The following PTPRT variants were observed in gnomAD, a reference collection of about 807,000 sequenced individuals.
The protein encoded by PTPRT is protein tyrosine phosphatase receptor type T.
Under a neutral mutation model 176.8 loss-of-function variants are expected in PTPRT, and 56 were observed. The observed-to-expected ratio is 0.32, with a 90% CI of 0.26 to 0.40. The LOEUF (loss-of-function observed/expected upper bound fraction) is 0.40. Ranked by LOEUF, PTPRT falls within the 10% of genes least tolerant of loss-of-function variation. PTPRT has a pLI of 1.00. For missense variants in PTPRT, 1,540 were observed against 1,908.2 expected (o/e 0.81, Z 3.60); for synonymous variants, 783 against 739.0 (o/e 1.06, Z -0.96).
chr20:42,416,316 C>A (rs1393523004), intron 9 of PTPRT, among the ~76,000 whole-genome samples: 1 of 152,108 alleles, frequency 6.6e-6, no homozygotes, highest in Non-Finnish European at 1.5e-5. Context: ...TCCTTCTGAG[C>A]CTGCAGAAGA....
chr20:42,402,596 T>C (rs971007742), intron 9 of PTPRT, among the ~76,000 whole-genome samples: 5 of 150,684 alleles, frequency 3.3e-5, no homozygotes, highest in Admixed American at 6.6e-5. Flanking sequence ...TCCAATAATA[T>C]GCGGCATTTA....
chr20:43,004,572 GCCAC>G (rs1984757697), intron 1 of PTPRT, among the ~76,000 whole-genome samples: 1 of 152,156 alleles, frequency 6.6e-6, no homozygotes, highest in Non-Finnish European at 1.5e-5. Flanking sequence ...ACTTTCAACT[GCCAC>G]CAATTGTGCT....
chr20:42,280,100 G>A (rs1041891590), intron 13 of PTPRT, among the ~76,000 whole-genome samples: 3 of 151,890 alleles, frequency 2.0e-5, no homozygotes, highest in Non-Finnish European at 4.4e-5. Flanking sequence ...AGGCTGCCTA[G>A]AGGAAATTTG....
At chr20:42,583,832 CA>C (rs1457589336) in intron 7 of PTPRT, among the ~76,000 whole-genome samples, 2 of 152,168 alleles carry the variant, frequency 1.3e-5, no homozygotes, top group Non-Finnish European at 2.9e-5. Context: ...TTTTAAATCA[CA>C]TTGAAATAAA....
rs559648040 is a variant in PTPRT, at chr20:42,226,021, A to C, written c.2342+10208T>G. ...ACCAAAAACTTTACTGGGCCCGTTA[A>C]CCCATGGTATCTTTCCTCAAAATAG... On this transcript the variant is annotated intron_variant, in intron 15 of 30. Coordinates refer to ENST00000373187, the MANE Select transcript of PTPRT (RefSeq NM_007050.6). 1.6e-3 allele frequency among the ~76,000 whole-genome samples: 246 copies of C among 152,292 alleles called. 2 individuals carry two copies. Among genetic ancestry groups the C allele is most frequent in the East Asian group, 7.7e-4 (4 of 5,184 alleles).
intron 1 of PTPRT, among the ~76,000 whole-genome samples, chr20:42,954,303 T>C (rs1467200522): frequency 7.2e-5 from 11 of 152,206 alleles, no homozygotes; most frequent in African/African-American, 2.4e-5. Flanking sequence ...AGAGGGAACT[T>C]TGGGGAAGCA....
At chr20:42,757,283 T>C (rs542169026) in intron 5 of PTPRT, among the ~76,000 whole-genome samples, 4 of 152,226 alleles carry the variant, frequency 2.6e-5, no homozygotes, top group African/African-American at 9.6e-5. Flanking sequence ...GCAGAACTCA[T>C]AGCATTCTTT....
At chr20:42,785,435 G>A (rs1053167849) in intron 3 of PTPRT, among the ~76,000 whole-genome samples, 4 of 152,188 alleles carry the variant, frequency 2.6e-5, no homozygotes, top group Non-Finnish European at 4.4e-5. Flanking sequence ...CAGGTCTGGT[G>A]AATTTTAAAA....
chr20:42,716,344 T>G (rs1289847203), intron 6 of PTPRT, among the ~76,000 whole-genome samples: 1 of 152,232 alleles, frequency 6.6e-6, no homozygotes, highest in Non-Finnish European at 1.5e-5. Context: ...TCCACATGGT[T>G]GAACTAGTTT....
chr20:42,102,358 G>A, intron 25 of PTPRT, 61 bp from the exon 26 acceptor site: 1 of 1,545,614 alleles, frequency 6.5e-7, no homozygotes, highest in South Asian at 1.2e-5. Flanking sequence ...GAGCAAAAGA[G>A]ACAGTAATGT....
At chr20:42,664,477 C>A (rs540145053) in intron 7 of PTPRT, among the ~76,000 whole-genome samples, 13 of 152,122 alleles carry the variant, frequency 8.5e-5, no homozygotes, top group Non-Finnish European at 1.9e-4. Context: ...ATGATATTTT[C>A]TTTATTTTTT....
intron 1 of PTPRT, among the ~76,000 whole-genome samples, chr20:43,042,251 A>G (rs903092209): frequency 6.6e-6 from 1 of 152,202 alleles, no homozygotes; most frequent in Non-Finnish European, 1.5e-5. Flanking sequence ...TTGTTTATTC[A>G]GGGCCAATTC....
intron 7 of PTPRT, among the ~76,000 whole-genome samples, chr20:42,582,352 G>A (rs900115757): frequency 1.3e-5 from 2 of 152,162 alleles, no homozygotes; most frequent in African/African-American, 4.8e-5. Context: ...AAGCTCTGAG[G>A]CTAGAGGTGG....
intron 12 of PTPRT, among the ~76,000 whole-genome samples, chr20:42,306,759 G>T (rs6016740): frequency 1.3e-5 from 2 of 151,972 alleles, no homozygotes; most frequent in Admixed American, 1.3e-4. Flanking sequence ...GGTGGAACAG[G>T]AGCACATTGA....
At chr20:42,348,375 T>TTTAC (rs1417314518) in intron 11 of PTPRT, among the ~76,000 whole-genome samples, 1 of 146,818 alleles carries the variant, frequency 6.8e-6, no homozygotes, top group African/African-American at 2.6e-5. Context: ...ATTTCTTTTA[T>TTTAC]TTATTTATTT....
At chr20:42,199,101 C>T in intron 16 of PTPRT, 139 bp downstream of exon 16, 6 of 984,928 alleles carry the variant, frequency 6.1e-6, no homozygotes, top group Non-Finnish European at 8.7e-6. Flanking sequence ...TCAGGGAGAA[C>T]CTTCATCCCA....
chr20:42,231,573 G>T (rs977012158), intron 15 of PTPRT, among the ~76,000 whole-genome samples: 5 of 152,274 alleles, frequency 3.3e-5, no homozygotes, highest in Middle Eastern at 3.4e-3. Context: ...ATCAGGCACG[G>T]GATAAAGTAC....
chr20:42,040,902 G>GAGTC, the PTPRT span, among the ~76,000 whole-genome samples: 4 of 152,166 alleles, frequency 2.6e-5, no homozygotes, highest in Non-Finnish European at 5.9e-5. Flanking sequence ...TTTGGGCCTG[G>GAGTC]AGTCACCTGG....
At chr20:42,518,273 G>A (rs2072105845) in intron 7 of PTPRT, among the ~76,000 whole-genome samples, 2 of 151,838 alleles carry the variant, frequency 1.3e-5, no homozygotes, top group Non-Finnish European at 1.5e-5. Flanking sequence ...ATGATTTTAT[G>A]TTTTAAGTTG....
Sources: gnomAD v4.1 joint callset for allele counts (sites outside exome capture counted in the v4.1 genomes callset) on GRCh38, gnomAD v4.1.1 for gene constraint, MANE v1.5 for transcripts, NCBI Gene and HGNC (gene_info 2026-07-23, HGNC 2026-07-21) for gene names.